EBF1: variants seen among roughly 807,000 people sequenced by gnomAD.
The protein encoded by EBF1 is EBF transcription factor 1, also known as transcription factor COE1.
Under a neutral mutation model 68.4 loss-of-function variants are expected in EBF1, and 10 were observed. The ratio of observed to expected loss-of-function variants is 0.15; its 90% CI spans 0.09 to 0.25. The LOEUF (loss-of-function observed/expected upper bound fraction) is 0.25. EBF1 is among the 10% of genes least tolerant of loss of function. The probability of loss-of-function intolerance (pLI) is 1.00; values close to 1 mark genes in which losing one functional copy is unlikely to be tolerated. For missense variants in EBF1, 509 were observed against 794.4 expected (o/e 0.64, Z 4.32); for synonymous variants, 298 against 299.8 (o/e 0.99, Z 0.06).
At chr5:158,976,774 C>T (rs966540896) in intron 6 of EBF1, among the ~76,000 whole-genome samples, 15 of 152,176 alleles carry the variant, frequency 9.9e-5, no homozygotes, top group African/African-American at 3.1e-4. Context: ...ATTACCTTAA[C>T]GGTCTCACAT....
At chr5:159,040,091 G>C (rs749171109) in intron 6 of EBF1, among the ~76,000 whole-genome samples, 1 of 152,132 alleles carries the variant, frequency 6.6e-6, no homozygotes, top group Non-Finnish European at 1.5e-5. Context: ...ATTTGTAACT[G>C]TAGTGGTGAG....
intron 11 of EBF1, among the ~76,000 whole-genome samples, chr5:158,716,771 G>A (rs1760804889): frequency 6.6e-6 from 1 of 152,176 alleles, no homozygotes; most frequent in African/African-American, 2.4e-5. Flanking sequence ...CCCCAGGCGT[G>A]TTTGTGTTGG....
At chr5:158,925,336 T>C (rs1270341198) in intron 6 of EBF1, among the ~76,000 whole-genome samples, 1 of 152,250 alleles carries the variant, frequency 6.6e-6, no homozygotes, top group Non-Finnish European at 1.5e-5. Context: ...TGTTCACCTC[T>C]TTATTGCCAG....
chr5:158,741,331 T>C (rs1446016827), intron 10 of EBF1, among the ~76,000 whole-genome samples: 1 of 152,080 alleles, frequency 6.6e-6, no homozygotes, highest in East Asian at 1.9e-4. Context: ...TCCTAGCACA[T>C]TGGGAGGCTG....
intron 6 of EBF1, among the ~76,000 whole-genome samples, chr5:158,913,716 C>A (rs1460844571): frequency 6.6e-6 from 1 of 152,182 alleles, no homozygotes; most frequent in East Asian, 1.9e-4. Flanking sequence ...CTCTCGGACA[C>A]CTACCAAGGA....
intron 6 of EBF1, among the ~76,000 whole-genome samples, chr5:159,007,628 T>C (rs374488839): frequency 6.6e-6 from 1 of 152,164 alleles, no homozygotes. Flanking sequence ...TTAAAAAATA[T>C]ATTCCTCCAT....
intron 6 of EBF1, among the ~76,000 whole-genome samples, chr5:158,962,093 G>A (rs1204123011): frequency 6.6e-6 from 1 of 152,198 alleles, no homozygotes; most frequent in East Asian, 1.9e-4. Flanking sequence ...ATCGATGGCA[G>A]CACAGGACTG....
At chr5:158,720,455 C>G (rs1271767699) in intron 11 of EBF1, among the ~76,000 whole-genome samples, 3 of 152,094 alleles carry the variant, frequency 2.0e-5, no homozygotes, top group Non-Finnish European at 2.9e-5. Context: ...TGGAAAATTC[C>G]ACAATGGTAG....
chr5:159,073,674 G>A (rs1778234296), intron 5 of EBF1: 1 of 557,076 alleles, frequency 1.8e-6, no homozygotes. Context: ...CAAAGAAGGA[G>A]GTGGGGGAGA....
intron 6 of EBF1, among the ~76,000 whole-genome samples, chr5:159,052,792 C>A (rs189758397): frequency 6.6e-6 from 1 of 152,306 alleles, no homozygotes; most frequent in East Asian, 1.9e-4. Context: ...TGGCAGGAAC[C>A]CAGGGCAGGT....
intron 8 of EBF1, among the ~76,000 whole-genome samples, chr5:158,800,067 C>CA (rs1384509109): frequency 3.9e-5 from 6 of 151,900 alleles, no homozygotes; most frequent in African/African-American, 4.8e-5. Context: ...GTATTGACAG[C>CA]AAAAAATTCA....
At chr5:159,030,825 T>C (rs1294950758) in intron 6 of EBF1, among the ~76,000 whole-genome samples, 1 of 152,112 alleles carries the variant, frequency 6.6e-6, no homozygotes, top group Non-Finnish European at 1.5e-5. Flanking sequence ...CAGGACTTTA[T>C]GGAGAGTAGC....
intron 6 of EBF1, among the ~76,000 whole-genome samples, chr5:158,975,203 T>G (rs1756480742): frequency 6.6e-6 from 1 of 152,256 alleles, no homozygotes; most frequent in East Asian, 1.9e-4. Flanking sequence ...AAGAAATGAT[T>G]AATGATCTCA....
At chr5:159,059,052 C>T (rs1775307768) in intron 6 of EBF1, among the ~76,000 whole-genome samples, 1 of 152,174 alleles carries the variant, frequency 6.6e-6, no homozygotes, top group African/African-American at 2.4e-5. Flanking sequence ...ACAACTTACT[C>T]CTAATTTCTA....
intron 6 of EBF1, among the ~76,000 whole-genome samples, chr5:158,989,528 T>C (rs1238638396): frequency 3.3e-5 from 5 of 152,188 alleles, no homozygotes; most frequent in Admixed American, 1.3e-4. Context: ...ATTGCAGGCA[T>C]CCCTGTGATC....
chr5:158,969,631 T>A (rs918182057), intron 6 of EBF1, among the ~76,000 whole-genome samples: 6 of 148,730 alleles, frequency 4.0e-5, no homozygotes, highest in African/African-American at 1.5e-4. Flanking sequence ...AAAAATTAGT[T>A]GAACATGGTG....
At chr5:159,098,309 C>T (rs904885524) in intron 1 of EBF1, among the ~76,000 whole-genome samples, 9 of 152,200 alleles carry the variant, frequency 5.9e-5, no homozygotes, top group African/African-American at 2.2e-4. Context: ...TGCCTCCAGG[C>T]CACACAGTCT....
At chr5:159,079,949 C>CTTCTT (rs1366823875) in intron 5 of EBF1, among the ~76,000 whole-genome samples, 1 of 152,042 alleles carries the variant, frequency 6.6e-6, no homozygotes, top group Non-Finnish European at 1.5e-5. Context: ...TATGCTCAAG[C>CTTCTT]TTCTTTTTCT....
intron 6 of EBF1, among the ~76,000 whole-genome samples, chr5:158,897,140 C>T (rs927367518): frequency 1.3e-5 from 2 of 151,994 alleles, no homozygotes; most frequent in South Asian, 2.1e-4. Flanking sequence ...CAGCACTATT[C>T]ACAATAACAA....
Sources: gnomAD v4.1 joint callset for allele counts (sites outside exome capture counted in the v4.1 genomes callset) on GRCh38, gnomAD v4.1.1 for gene constraint, MANE v1.5 for transcripts, NCBI Gene and HGNC (gene_info 2026-07-23, HGNC 2026-07-21) for gene names.